Variants in GARRE1 observed in about 807,000 individuals in gnomAD.
The protein encoded by GARRE1 is granule associated Rac and RHOG effector protein 1.
A neutral mutation model predicts 103.2 loss-of-function variants in GARRE1; 49 were observed. The observed-to-expected ratio is 0.47, with a 90% CI of 0.38 to 0.60. The LOEUF (loss-of-function observed/expected upper bound fraction) is 0.60, where lower values mean the gene tolerates loss of function less well. Ranked by LOEUF, GARRE1 falls within the 20% of genes least tolerant of loss-of-function variation. GARRE1 has a pLI of 0.00. For synonymous variants in GARRE1, 505 were observed against 532.8 expected (o/e 0.95, Z 0.72); for missense variants, 1,199 against 1,370.5 (o/e 0.87, Z 1.98).
At chr19:34,307,444 A>G (rs1465218308) in intron 2 of GARRE1, among the ~76,000 whole-genome samples, 3 of 151,816 alleles carry the variant, frequency 2.0e-5, no homozygotes, top group Non-Finnish European at 2.9e-5. Flanking sequence ...ACTGTATTTT[A>G]TAAATTCCAG....
chr19:34,256,909 A>C (rs1599742037), intron 1 of GARRE1, among the ~76,000 whole-genome samples: 2 of 152,158 alleles, frequency 1.3e-5, no homozygotes, highest in East Asian at 3.8e-4. Flanking sequence ...TTAAAGCAAA[A>C]AGTTTAGTTT....
chr19:34,290,941 C>G (rs988791536), intron 1 of GARRE1, among the ~76,000 whole-genome samples: 2 of 105,978 alleles, frequency 1.9e-5, no homozygotes, highest in African/African-American at 7.5e-5. Context: ...GAGTCTCACT[C>G]TGTCACCCAG....
chr19:34,287,595 G>A (rs2073894749), intron 1 of GARRE1, among the ~76,000 whole-genome samples: 1 of 152,200 alleles, frequency 6.6e-6, no homozygotes, highest in Non-Finnish European at 1.5e-5. Flanking sequence ...TGTCACAGAG[G>A]TTGTCTTAGT....
At chr19:34,328,831 C>T (rs925906153) in intron 6 of GARRE1, among the ~76,000 whole-genome samples, 3 of 152,106 alleles carry the variant, frequency 2.0e-5, no homozygotes, top group Admixed American at 6.5e-5. Context: ...TGGTGTCGAA[C>T]TCCTGACCTC....
At chr19:34,303,309 T>A (rs1397639668) in intron 2 of GARRE1, among the ~76,000 whole-genome samples, 1 of 152,226 alleles carries the variant, frequency 6.6e-6, no homozygotes, top group East Asian at 1.9e-4. Flanking sequence ...AAGGAGAATG[T>A]TCCTTACCCC....
intron 1 of GARRE1, among the ~76,000 whole-genome samples, chr19:34,269,770 T>C (rs1471607980): frequency 6.6e-6 from 1 of 152,198 alleles, no homozygotes; most frequent in African/African-American, 2.4e-5. Flanking sequence ...AAAAATAGTT[T>C]AATCTTGGCC....
At chr19:34,324,246 A>C (rs1029026131) in intron 3 of GARRE1, among the ~76,000 whole-genome samples, 10 of 152,172 alleles carry the variant, frequency 6.6e-5, no homozygotes, top group African/African-American at 2.4e-4. Context: ...AACTTCTTGG[A>C]GTAGTTGTCT....
rs1433574654 is a variant in GARRE1 at position 34,314,277 on chromosome 19, T to C, written c.496-5630T>C. ...ATAAATATAGAAATGTAAAACTTCCTGTGTGTATTGATATGGTAACAGATT... is the reference window on the plus strand; with the variant it reads ...ATAAATATAGAAATGTAAAACTTCCCGTGTGTATTGATATGGTAACAGATT... On this transcript the variant is annotated intron_variant, in intron 2 of 13. Transcript: ENST00000299505. Among the ~76,000 whole-genome samples the C allele has an allele frequency of 5.3e-5, 8 of 152,156 alleles. 1 individual carries two copies. The highest frequency in any genetic ancestry group is 1.2e-4 in the Non-Finnish European group (8 of 68,034).
intron 3 of GARRE1, among the ~76,000 whole-genome samples, chr19:34,320,391 C>A (rs555182013): frequency 7.2e-5 from 11 of 152,280 alleles, no homozygotes; most frequent in African/African-American, 2.6e-4. Context: ...TGGAGATATG[C>A]GGGAGCCAGA....
chr19:34,338,538 G>A (rs767138505), intron 8 of GARRE1, among the ~76,000 whole-genome samples: 3 of 152,036 alleles, frequency 2.0e-5, no homozygotes, highest in Admixed American at 6.6e-5. Flanking sequence ...ACTCTGTCTC[G>A]AAAAAAGGTT....
intron 2 of GARRE1, among the ~76,000 whole-genome samples, chr19:34,304,663 C>T (rs1038000507): frequency 5.9e-5 from 9 of 152,136 alleles, no homozygotes; most frequent in African/African-American, 2.2e-4. Flanking sequence ...CAGAGGTTAG[C>T]CACCACGCCC....
chr19:34,281,785 A>G (rs767822095), intron 1 of GARRE1, among the ~76,000 whole-genome samples: 1 of 152,206 alleles, frequency 6.6e-6, no homozygotes, highest in African/African-American at 2.4e-5. Flanking sequence ...GGTAAATAAT[A>G]TAGATTCATT....
At chr19:34,268,078 GT>G (rs976820929) in intron 1 of GARRE1, among the ~76,000 whole-genome samples, 1,895 of 143,062 alleles carry the variant, frequency 0.013, 21 homozygotes, top group Non-Finnish European at 0.016. Flanking sequence ...GGTGCTTTGT[GT>G]TTTTTTTTTT....
rs908640012 is a variant in GARRE1 at position 34,300,888 on chromosome 19, A to G, written c.415A>G (p.Ile139Val). The change falls in exon 2 of 14, where the codon ATC (isoleucine) becomes GTC (valine). Residue 139 changes from isoleucine (I) to valine (V), a missense_variant. Physicochemically the swap from Ile to Val is conservative, Grantham distance 29. Transcript: ENST00000299505. ...GCTGACCTCGGCCATAAAGCCTGAG[A>G]TCGCCAAGATGCTAATGGAACTTAG... ...SRLTSAIKPE[I>V]AKMLMELSAG... The G allele has an allele frequency of 3.1e-6, 5 of 1,611,618 alleles. No individual in the cohort carries two copies. The Admixed American group carries it at 5.0e-5, about 16-fold the overall frequency.
At chr19:34,309,041 A>G (rs2074024764) in intron 2 of GARRE1, among the ~76,000 whole-genome samples, 1 of 151,922 alleles carries the variant, frequency 6.6e-6, no homozygotes, top group Admixed American at 6.6e-5. Flanking sequence ...ACCGCACAAC[A>G]CATCTAATAT....
At chr19:34,280,323 T>G (rs967935665) in intron 1 of GARRE1, among the ~76,000 whole-genome samples, 1 of 152,220 alleles carries the variant, frequency 6.6e-6, no homozygotes, top group African/African-American at 2.4e-5. Context: ...CACTAGTGAT[T>G]AGTGATGTTG....
intron 5 of GARRE1, 58 bp downstream of exon 5, chr19:34,327,924 G>T (rs1214228110): frequency 6.2e-7 from 1 of 1,613,354 alleles, no homozygotes; most frequent in Non-Finnish European, 8.5e-7. Context: ...GCAGTCTAGT[G>T]TGAACCAAGT....
chr19:34,353,157 C>G lies in GARRE1; in HGVS notation c.*202C>G. The stretch of plus-strand genomic sequence containing the variant: ...GCTTCTGAAACGATGGCATCAGAGC[C>G]CTGGAGAGCCAGCTGGAGACACAGG... On this transcript the variant is annotated 3_prime_UTR_variant, in exon 14 of 14. Transcript: ENST00000299505. 1 of 543,196 alleles carries G rather than the reference C, an allele frequency of 1.8e-6. No individual in the cohort carries two copies. The allele number at this position is 543,196 out of a possible 1,614,324, so 33.6% of individuals were successfully genotyped here. A position where few individuals can be genotyped will look rare whatever the true frequency, so the allele number is the denominator to read the frequency against.
chr19:34,322,319 G>A (rs558375002), intron 3 of GARRE1, among the ~76,000 whole-genome samples: 17 of 150,308 alleles, frequency 1.1e-4, no homozygotes, highest in Admixed American at 3.3e-4. Flanking sequence ...TTACAGGCGC[G>A]CACCACGACG....
Sources: gnomAD v4.1 joint callset for allele counts (sites outside exome capture counted in the v4.1 genomes callset) on GRCh38, gnomAD v4.1.1 for gene constraint, MANE v1.5 for transcripts, NCBI Gene and HGNC (gene_info 2026-07-23, HGNC 2026-07-21) for gene names.